TRPC1: variants seen among roughly 807,000 people sequenced by gnomAD.
TRPC1 encodes short transient receptor potential channel 1.
A neutral mutation model predicts 88.2 loss-of-function variants in TRPC1; 42 were observed. That is an observed-to-expected ratio of 0.48 (90% CI 0.37 to 0.62). The LOEUF is 0.62. Among genes scored for constraint, TRPC1 ranks in the 20% least tolerant of loss-of-function variants. The probability of loss-of-function intolerance (pLI) is 0.00; values close to 1 mark genes in which losing one functional copy is unlikely to be tolerated. For missense variants in TRPC1, 699 were observed against 957.3 expected (o/e 0.73, Z 3.56); for synonymous variants, 288 against 331.8 (o/e 0.87, Z 1.43).
rs1166443051 is a variant in TRPC1, at chr3:142,724,910, G to T, written c.172+179G>T. Among the ~76,000 whole-genome samples, 1 of 152,166 alleles carries T rather than the reference G, an allele frequency of 6.6e-6. No individual in the cohort carries two copies. The highest frequency in any genetic ancestry group is 6.5e-5 in the Admixed American group (1 of 15,280). On this transcript the variant is annotated intron_variant, in intron 1 of 12. Transcript: ENST00000476941. The surrounding 1 kb of genome is among the most constrained non-coding windows in gnomAD (Gnocchi z 5.6). ...GCCTCTGCCCTGTGAGTGTGGAGCT[G>T]GCGGGAGAGTGGAGCTGGGGCTGCG...
chr3:142,751,225 A>G (rs893447797), intron 4 of TRPC1, among the ~76,000 whole-genome samples: 1 of 152,080 alleles, frequency 6.6e-6, no homozygotes, highest in African/African-American at 2.4e-5. Context: ...CTTACCACCC[A>G]CTCACTACCT....
At chr3:142,758,721 A>G (rs962116883) in intron 4 of TRPC1, among the ~76,000 whole-genome samples, 1 of 150,692 alleles carries the variant, frequency 6.6e-6, no homozygotes, top group Non-Finnish European at 1.5e-5. Flanking sequence ...GTACATGTGC[A>G]TGTCGTGCAG....
chr3:142,777,479 C>CT (rs919910608), intron 4 of TRPC1, among the ~76,000 whole-genome samples, 153 bp from the exon 5 acceptor site: 1 of 151,754 alleles, frequency 6.6e-6, no homozygotes, highest in Non-Finnish European at 1.5e-5. Flanking sequence ...TGTTTTAAGT[C>CT]TTTTTATGGA....
intron 7 of TRPC1, among the ~76,000 whole-genome samples, chr3:142,786,148 T>C (rs1441464980): frequency 6.6e-6 from 1 of 152,188 alleles, no homozygotes; most frequent in African/African-American, 2.4e-5. Context: ...CTGTATCTTC[T>C]ACCTTGTTTT....
intron 6 of TRPC1, among the ~76,000 whole-genome samples, chr3:142,784,118 G>A (rs1273421107): frequency 3.3e-5 from 5 of 151,976 alleles, no homozygotes; most frequent in Admixed American, 6.6e-5. Flanking sequence ...CTAATATTTA[G>A]CTTTTTATTG....
intron 1 of TRPC1, among the ~76,000 whole-genome samples, chr3:142,726,578 G>A (rs971449950): frequency 6.6e-6 from 1 of 152,056 alleles, no homozygotes; most frequent in Non-Finnish European, 1.5e-5. Flanking sequence ...TTCTGTTTCA[G>A]GTATGTCTAA....
At chr3:142,772,655 C>T (rs915529342) in intron 4 of TRPC1, among the ~76,000 whole-genome samples, 8 of 151,122 alleles carry the variant, frequency 5.3e-5, no homozygotes, top group Non-Finnish European at 1.0e-4. Flanking sequence ...GGCATGGTGG[C>T]GCACACCTGT....
At chr3:142,804,811 A>G (rs1560122856) in intron 12 of TRPC1, among the ~76,000 whole-genome samples, 181 bp downstream of exon 12, 1 of 152,126 alleles carries the variant, frequency 6.6e-6, no homozygotes, top group Non-Finnish European at 1.5e-5. Context: ...AATAAATACT[A>G]TTGAGAGTGA....
At chr3:142,740,472 C>T (rs1446835695) in intron 2 of TRPC1, among the ~76,000 whole-genome samples, 1 of 152,078 alleles carries the variant, frequency 6.6e-6, no homozygotes, top group East Asian at 1.9e-4. Context: ...ATGGGAATGC[C>T]CATCACCATT....
At chr3:142,754,238 G>T (rs1934881325) in intron 4 of TRPC1, among the ~76,000 whole-genome samples, 1 of 151,966 alleles carries the variant, frequency 6.6e-6, no homozygotes, top group Non-Finnish European at 1.5e-5. Flanking sequence ...TATAATAGCT[G>T]TGATTTGGTT....
chr3:142,743,457 T>C, intron 2 of TRPC1, 28 bp from the exon 3 acceptor site: 11 of 1,440,238 alleles, frequency 7.6e-6, no homozygotes, highest in Non-Finnish European at 1.0e-5. Context: ...TCTTCCATTT[T>C]CATTTTTAAC....
chr3:142,783,138 T>G (rs1214995653), intron 6 of TRPC1, among the ~76,000 whole-genome samples: 1 of 152,222 alleles, frequency 6.6e-6, no homozygotes, highest in Non-Finnish European at 1.5e-5. Context: ...CATTTCTAGT[T>G]AAACTTTTTA....
intron 7 of TRPC1, among the ~76,000 whole-genome samples, chr3:142,787,461 AAAGT>A (rs1936168513): frequency 6.6e-6 from 1 of 152,190 alleles, no homozygotes; most frequent in African/African-American, 2.4e-5. Flanking sequence ...TTTTCAGAAA[AAAGT>A]AAGGTTAGGT....
At position 142,744,645 on chromosome 3, in the gene TRPC1, C is replaced by T. The variant is rs572084234; in HGVS notation, c.429+1059C>T. Among the ~76,000 whole-genome samples the T allele has an allele frequency of 5.3e-5, 8 of 152,114 alleles. No individual in the cohort carries two copies. In the East Asian group the frequency reaches 5.8e-4, roughly 11 times the overall value. ...CTTACTATGGTTAAAATACTTACCACGGTTAAAAATATGCGTAGAAAAGGG... is the reference window on the plus strand; with the variant it reads ...CTTACTATGGTTAAAATACTTACCATGGTTAAAAATATGCGTAGAAAAGGG... On this transcript the variant is annotated intron_variant, in intron 3 of 12. Coordinates refer to ENST00000476941, the MANE Select transcript of TRPC1 (RefSeq NM_001251845.2).
intron 4 of TRPC1, among the ~76,000 whole-genome samples, chr3:142,777,291 C>A (rs912507588): frequency 1.3e-5 from 2 of 152,002 alleles, no homozygotes; most frequent in South Asian, 2.1e-4. Flanking sequence ...CAGAGCGAGA[C>A]CCTGTCTTTT....
chr3:142,794,762 G>T (rs550630192), intron 9 of TRPC1, among the ~76,000 whole-genome samples: 1 of 152,228 alleles, frequency 6.6e-6, no homozygotes, highest in South Asian at 2.1e-4. Context: ...GACGGGATTA[G>T]AAGAATACTC....
At chr3:142,793,010 T>G in intron 9 of TRPC1, 43 bp downstream of exon 9, 1 of 1,465,548 alleles carries the variant, frequency 6.8e-7, no homozygotes, top group Non-Finnish European at 9.2e-7. Context: ...TTAGATGTCA[T>G]TATTGTTACA....
chr3:142,773,697 T>C (rs1409650233), intron 4 of TRPC1, among the ~76,000 whole-genome samples: 3 of 145,274 alleles, frequency 2.1e-5, no homozygotes, highest in African/African-American at 7.8e-5. Flanking sequence ...GCAAACTCTG[T>C]GTGCTAGTCC....
chr3:142,750,699 A>G (rs547942867), intron 4 of TRPC1, among the ~76,000 whole-genome samples: 6 of 152,316 alleles, frequency 3.9e-5, no homozygotes, highest in African/African-American at 1.2e-4. Context: ...GATAAAGAAA[A>G]TGTGGCAAGA....
Sources: gnomAD v4.1 joint callset for allele counts (sites outside exome capture counted in the v4.1 genomes callset) on GRCh38, gnomAD v4.1.1 for gene constraint, Gnocchi (gnomAD v3.1) non-coding constraint, MANE v1.5 for transcripts, NCBI Gene and HGNC (gene_info 2026-07-23, HGNC 2026-07-21) for gene names.